HYAL4: variants seen among roughly 807,000 people sequenced by gnomAD.
HYAL4 encodes the protein hyaluronidase-4.
A neutral mutation model predicts 35.2 loss-of-function variants in HYAL4; 37 were observed. The observed-to-expected ratio is 1.05, with a 90% CI of 0.81 to 1.38. HYAL4 has a LOEUF of 1.38. Ranked by LOEUF, HYAL4 falls within the 40% of genes most tolerant of loss-of-function variation. HYAL4 has a pLI of 0.00. For synonymous variants in HYAL4, 198 were observed against 203.2 expected (o/e 0.97, Z 0.22); for missense variants, 572 against 572.4 (o/e 1.00, Z 0.01).
the HYAL4 span, among the ~76,000 whole-genome samples, chr7:123,792,240 G>C: frequency 1.3e-5 from 2 of 152,312 alleles, no homozygotes; most frequent in East Asian, 3.9e-4. Context: ...GCTCACATTA[G>C]TTTGCTTTTT....
chr7:123,852,068 C>T (rs1806317540), intron 2 of HYAL4, among the ~76,000 whole-genome samples: 2 of 152,004 alleles, frequency 1.3e-5, no homozygotes, highest in Admixed American at 6.6e-5. Flanking sequence ...TATCAGTTGC[C>T]CACTTTTTGA....
chr7:123,853,877 G>A (rs1806369752), intron 2 of HYAL4, among the ~76,000 whole-genome samples: 1 of 152,028 alleles, frequency 6.6e-6, no homozygotes, highest in East Asian at 1.9e-4. Flanking sequence ...TTGGTTGGTA[G>A]GCTAGTAATT....
chr7:123,857,665 G>GTTTCTTTCTTTGTTTCTTTC (rs71163707), intron 2 of HYAL4, among the ~76,000 whole-genome samples: 1,433 of 95,456 alleles, frequency 0.015, 39 homozygotes, highest in African/African-American at 0.047. Context: ...TTCTTTCTTT[G>GTTTCTTTCTTTGTTTCTTTC]TTTGTTTCTT....
At chr7:123,789,983 A>ATT in the HYAL4 span, among the ~76,000 whole-genome samples, 1 of 152,266 alleles carries the variant, frequency 6.6e-6, no homozygotes, top group African/African-American at 2.4e-5. Flanking sequence ...CAAGTCTGAA[A>ATT]TTTGAAGGGC....
chr7:123,817,761 CAG>C, the HYAL4 span, among the ~76,000 whole-genome samples: 1 of 151,854 alleles, frequency 6.6e-6, no homozygotes, highest in African/African-American at 2.4e-5. Flanking sequence ...CCACCCGCCT[CAG>C]CCTCCCAAAG....
At position 123,861,124 on chromosome 7, in the gene HYAL4, C is replaced by T. The variant is rs1563000692; in HGVS notation, c.-51-7099C>T. ...GGATCTAGGGAACTGGGATCCAACT[C>T]TCTCCTGCTTAAATATTGTTCTGGT... On this transcript the variant is annotated intron_variant, in intron 2 of 4. Transcript: ENST00000223026. 2.0e-5 allele frequency among the ~76,000 whole-genome samples: 3 copies of T among 152,232 alleles called. No homozygotes were observed. The East Asian group carries it at 5.8e-4, about 29-fold the overall frequency.
chr7:123,788,259 A>T, the HYAL4 span, among the ~76,000 whole-genome samples: 3 of 152,172 alleles, frequency 2.0e-5, no homozygotes, highest in African/African-American at 7.2e-5. Context: ...AGCCTGGACA[A>T]CATAGTGAGA....
chr7:123,830,074 A>T (rs966110709), intron 1 of HYAL4, among the ~76,000 whole-genome samples: 2 of 152,154 alleles, frequency 1.3e-5, no homozygotes. Context: ...CGCTGTTTGC[A>T]CTCCAGTAAT....
At chr7:123,779,980 T>C in the HYAL4 span, among the ~76,000 whole-genome samples, 4 of 152,218 alleles carry the variant, frequency 2.6e-5, no homozygotes, top group East Asian at 7.7e-4. Context: ...TTTTTGGAAT[T>C]AGCTGTAATA....
chr7:123,820,267 G>A, the HYAL4 span, among the ~76,000 whole-genome samples: 1 of 139,140 alleles, frequency 7.2e-6, no homozygotes, highest in South Asian at 2.3e-4. Flanking sequence ...TGTATATAAA[G>A]GTTTATTAAC....
At chr7:123,860,925 C>T (rs985138333) in intron 2 of HYAL4, among the ~76,000 whole-genome samples, 1 of 152,114 alleles carries the variant, frequency 6.6e-6, no homozygotes, top group Non-Finnish European at 1.5e-5. Context: ...GATAGGTTGC[C>T]ATTTGTAAAG....
chr7:123,773,994 G>C, the HYAL4 span, among the ~76,000 whole-genome samples: 1 of 152,012 alleles, frequency 6.6e-6, no homozygotes, highest in Admixed American at 6.6e-5. Flanking sequence ...ACATGGTCTC[G>C]CATGTTTAAT....
At chr7:123,874,097 G>C (rs1806948600) in intron 3 of HYAL4, among the ~76,000 whole-genome samples, 1 of 152,158 alleles carries the variant, frequency 6.6e-6, no homozygotes, top group Non-Finnish European at 1.5e-5. Flanking sequence ...TTTGGATTCT[G>C]TTTCCAGGGC....
At chr7:123,770,821 T>G in the HYAL4 span, among the ~76,000 whole-genome samples, 1 of 152,044 alleles carries the variant, frequency 6.6e-6, no homozygotes, top group Non-Finnish European at 1.5e-5. Context: ...ATGCTTAAAA[T>G]GGATTACATG....
At chr7:123,831,149 C>T (rs1483841351) in intron 1 of HYAL4, among the ~76,000 whole-genome samples, 1 of 152,142 alleles carries the variant, frequency 6.6e-6, no homozygotes, top group East Asian at 1.9e-4. Context: ...TGTTGTGGTA[C>T]TGAGTTCTTG....
chr7:123,873,282 G>C (rs183242197), intron 3 of HYAL4, among the ~76,000 whole-genome samples: 554 of 151,918 alleles, frequency 3.6e-3, no homozygotes, highest in South Asian at 9.3e-3. Context: ...TTTCATGTCA[G>C]CTATGACCTG....
At position 123,869,228 on chromosome 7, in the gene HYAL4, GT is replaced by G. The variant is rs1239987573; in HGVS notation, c.954+2del. 6.4e-7 allele frequency: 1 copy of G among 1,571,108 alleles called. No individual in the cohort carries two copies. Among genetic ancestry groups the G allele is most frequent in the East Asian group, 2.3e-5 (1 of 44,360 alleles). On this transcript the variant is annotated splice_donor_variant, in intron 3 of 4. Coordinates refer to ENST00000223026, the MANE Select transcript of HYAL4 (RefSeq NM_012269.3). LOFTEE classifies it high-confidence loss of function. The stretch of plus-strand genomic sequence containing the variant: ...TGAACCTTTATTTTTCCTTTCTAAG[GT>G]AAGAAGCTTCTTGTCCAATGGTGGG...
chr7:123,835,211 G>T (rs1217687723), intron 1 of HYAL4, among the ~76,000 whole-genome samples: 1 of 150,194 alleles, frequency 6.7e-6, no homozygotes, highest in Non-Finnish European at 1.5e-5. Context: ...TCTGGTCCTG[G>T]ACTTTTTCAT....
At chr7:123,857,729 C>A (rs935090351) in intron 2 of HYAL4, among the ~76,000 whole-genome samples, 1 of 142,434 alleles carries the variant, frequency 7.0e-6, no homozygotes, top group Non-Finnish European at 1.5e-5. Flanking sequence ...TTCTTTCTTT[C>A]TTTCAATAGA....
Sources: allele counts gnomAD v4.1 joint callset (sites outside exome capture counted in the v4.1 genomes callset), GRCh38; gene constraint gnomAD v4.1.1; transcripts MANE v1.5; gene names NCBI Gene and HGNC (gene_info 2026-07-23, HGNC 2026-07-21).